Variants in THUMPD2 observed in about 807,000 individuals in gnomAD.
THUMPD2 encodes the protein THUMP domain 2 tRNA and snRNA guanosine methyltransferase, also known as U6 snRNA (guanine-N(2))-methyltransferase THUMPD2.
A neutral mutation model predicts 49.4 loss-of-function variants in THUMPD2; 56 were observed. That is an observed-to-expected ratio of 1.13 (90% CI 0.91 to 1.41). The LOEUF (loss-of-function observed/expected upper bound fraction) is 1.41. Among genes scored for constraint, THUMPD2 ranks in the 40% most tolerant of loss-of-function variants. The pLI is 0.00. For synonymous variants in THUMPD2, 237 were observed against 205.2 expected (o/e 1.15, Z -1.32); for missense variants, 709 against 594.5 (o/e 1.19, Z -2.00).
Position 39,771,648 on chromosome 2 carries a change from T to C in THUMPD2, c.127-8A>G, listed in dbSNP as rs768836433. The stretch of plus-strand genomic sequence containing the variant: ...TCCTGAAATATATTCAACCTAGAAA[T>C]AGAAAAACAGCTTTTAATGTAGTCC... On this transcript the variant is annotated splice_region_variant and splice_polypyrimidine_tract_variant and intron_variant, in intron 1 of 9. Coordinates refer to ENST00000505747, the MANE Select transcript of THUMPD2 (RefSeq NM_025264.5). The C allele has an allele frequency of 1.4e-5, 23 of 1,598,794 alleles. No homozygotes were observed. Among genetic ancestry groups the C allele is most frequent in the Admixed American group, 1.8e-5 (1 of 55,888 alleles).
chr2:39,758,785 TAAA>T (rs372395566), intron 6 of THUMPD2, among the ~76,000 whole-genome samples: 3 of 123,184 alleles, frequency 2.4e-5, no homozygotes, highest in Non-Finnish European at 3.5e-5. Context: ...ATGGCACATC[TAAA>T]AAAAAAAAAA....
intron 9 of THUMPD2, among the ~76,000 whole-genome samples, chr2:39,740,172 A>G (rs57558253): frequency 9.8e-5 from 15 of 152,300 alleles, no homozygotes; most frequent in African/African-American, 3.6e-4. Context: ...GTGCTTGGTC[A>G]TATAGTTAAG....
At chr2:39,773,248 A>G (rs957249188) in intron 1 of THUMPD2, among the ~76,000 whole-genome samples, 1 of 152,180 alleles carries the variant, frequency 6.6e-6, no homozygotes, top group African/African-American at 2.4e-5. Flanking sequence ...GTTACCTGAC[A>G]TAAGAATATA....
chr2:39,765,652 T>C (rs1677418329), intron 5 of THUMPD2, among the ~76,000 whole-genome samples: 1 of 152,150 alleles, frequency 6.6e-6, no homozygotes, highest in African/African-American at 2.4e-5. Context: ...ATCTTTTCGT[T>C]TTCTCCACCC....
chr2:39,774,568 A>G (rs918911153), intron 1 of THUMPD2, among the ~76,000 whole-genome samples: 2 of 152,210 alleles, frequency 1.3e-5, no homozygotes, highest in Admixed American at 1.3e-4. Context: ...AAATAATCCT[A>G]TCTGTGAATG....
chr2:39,738,680 C>CAT (rs1673490312), intron 9 of THUMPD2, among the ~76,000 whole-genome samples: 1 of 147,128 alleles, frequency 6.8e-6, no homozygotes, highest in Non-Finnish European at 1.5e-5. Flanking sequence ...TATATATACA[C>CAT]ATATATACAT....
chr2:39,775,881 C>A (rs1679027798), intron 1 of THUMPD2, among the ~76,000 whole-genome samples: 1 of 151,732 alleles, frequency 6.6e-6, no homozygotes, highest in African/African-American at 2.4e-5. Context: ...AACTTGACTT[C>A]CTGCTTAATT....
chr2:39,763,565 G>A (rs867611182), intron 5 of THUMPD2, among the ~76,000 whole-genome samples: 1 of 152,022 alleles, frequency 6.6e-6, no homozygotes, highest in Non-Finnish European at 1.5e-5. Flanking sequence ...GTTCAAATCA[G>A]AAATCTGAAA....
At chr2:39,762,055 C>T (rs1676888371) in intron 5 of THUMPD2, among the ~76,000 whole-genome samples, 1 of 152,144 alleles carries the variant, frequency 6.6e-6, no homozygotes, top group Non-Finnish European at 1.5e-5. Context: ...ATCAATGTTT[C>T]CAGATTTGAT....
At chr2:39,777,510 A>G (rs1462567167) in intron 1 of THUMPD2, among the ~76,000 whole-genome samples, 1 of 152,126 alleles carries the variant, frequency 6.6e-6, no homozygotes, top group East Asian at 1.9e-4. Flanking sequence ...ATCAGATAGG[A>G]GTCTTTTGAG....
chr2:39,737,045 C>T lies in THUMPD2; in HGVS notation c.1202G>A (p.Gly401Asp). Residue 401 changes from glycine (G) to aspartate (D), a missense_variant, in exon 10 of 10, where the codon GGC (glycine) becomes GAC (aspartate). Transcript: ENST00000505747. ...LQEMERVLHVGGTIVLLLSED... is the reference protein window; with the variant it reads ...LQEMERVLHVDGTIVLLLSED... ...ACTAAGCAACAATACAATGGTTCCGCCAACATGAAGCACTCTGTGACAAAA... is the reference window on the plus strand; with the variant it reads ...ACTAAGCAACAATACAATGGTTCCGTCAACATGAAGCACTCTGTGACAAAA... 6.2e-7 allele frequency: 1 copy of T among 1,607,106 alleles called. No individual in the cohort carries two copies. Among genetic ancestry groups the T allele is most frequent in the Non-Finnish European group, 8.5e-7 (1 of 1,175,184 alleles).
At chr2:39,779,009 CAG>C (rs1679503794) in intron 1 of THUMPD2, 103 bp downstream of exon 1, 2 of 1,326,154 alleles carry the variant, frequency 1.5e-6, no homozygotes, top group South Asian at 1.8e-5. Flanking sequence ...TCGCGTGGAA[CAG>C]AGAGGGGCGC....
chr2:39,762,343 T>G (rs942670693), intron 5 of THUMPD2, among the ~76,000 whole-genome samples: 2 of 152,294 alleles, frequency 1.3e-5, no homozygotes, highest in Middle Eastern at 6.8e-3. Context: ...ATGTGAATAT[T>G]AAACATTTCT....
At chr2:39,753,261 C>A (rs1049210937) in intron 8 of THUMPD2, among the ~76,000 whole-genome samples, 3 of 152,110 alleles carry the variant, frequency 2.0e-5, no homozygotes, top group Non-Finnish European at 2.9e-5. Context: ...GGGAAGCTGC[C>A]CTTGACTTCT....
intron 1 of THUMPD2, among the ~76,000 whole-genome samples, chr2:39,774,540 G>C (rs921498601): frequency 1.3e-5 from 2 of 152,172 alleles, no homozygotes; most frequent in Admixed American, 1.3e-4. Context: ...TTGTAAAATA[G>C]TACTCACTGT....
intron 6 of THUMPD2, among the ~76,000 whole-genome samples, chr2:39,759,153 T>A (rs570357884): frequency 6.6e-6 from 1 of 152,144 alleles, no homozygotes; most frequent in African/African-American, 2.4e-5. Context: ...ATGTTCATAA[T>A]AGGAATTTCA....
chr2:39,741,392 T>C (rs936279456), intron 9 of THUMPD2, among the ~76,000 whole-genome samples: 1 of 152,204 alleles, frequency 6.6e-6, no homozygotes, highest in African/African-American at 2.4e-5. Flanking sequence ...TCTGTACATA[T>C]AAACATGATG....
At chr2:39,758,823 T>G (rs958932596) in intron 6 of THUMPD2, among the ~76,000 whole-genome samples, 1 of 150,180 alleles carries the variant, frequency 6.7e-6, no homozygotes, top group Non-Finnish European at 1.5e-5. Flanking sequence ...TCAGTAGTTT[T>G]AGAGTAAATA....
At chr2:39,771,772 T>C (rs1389190420) in intron 1 of THUMPD2, 132 bp from the exon 2 acceptor site, 28 of 923,852 alleles carry the variant, frequency 3.0e-5, no homozygotes, top group Non-Finnish European at 4.5e-5. Flanking sequence ...TGTCAGGCTC[T>C]GTACTAGGAA....
Sources: gnomAD v4.1 joint callset for allele counts (sites outside exome capture counted in the v4.1 genomes callset) on GRCh38, gnomAD v4.1.1 for gene constraint, MANE v1.5 for transcripts, NCBI Gene and HGNC (gene_info 2026-07-23, HGNC 2026-07-21) for gene names.